POU2F1: variants seen among roughly 807,000 people sequenced by gnomAD.
The protein encoded by POU2F1 is POU class 2 homeobox 1, also known as POU domain, class 2, transcription factor 1.
Under a neutral mutation model 84.9 loss-of-function variants are expected in POU2F1, and 16 were observed. The ratio of observed to expected loss-of-function variants is 0.19; its 90% CI spans 0.13 to 0.29. The LOEUF (loss-of-function observed/expected upper bound fraction) is 0.29, where lower values mean the gene tolerates loss of function less well. POU2F1 is among the 10% of genes least tolerant of loss of function. POU2F1 has a pLI of 1.00. For synonymous variants in POU2F1, 368 were observed against 368.3 expected, an observed-to-expected ratio of 1.00 and a Z score of 0.01; for missense variants, 738 against 942.6, an observed-to-expected ratio of 0.78 and a Z score of 2.84.
At chr1:167,410,749 CA>C (rs1649906871) in intron 13 of POU2F1, among the ~76,000 whole-genome samples, 1 of 152,084 alleles carries the variant, frequency 6.6e-6, no homozygotes, top group Non-Finnish European at 1.5e-5. Flanking sequence ...CTCCTGACCT[CA>C]AATGATCCAC....
intron 1 of POU2F1, among the ~76,000 whole-genome samples, chr1:167,256,369 T>C (rs960565643): frequency 1.4e-4 from 21 of 151,390 alleles, no homozygotes; most frequent in Admixed American, 7.9e-4. Context: ...TTTCTTCTTT[T>C]TTTTTTTTTT....
intron 1 of POU2F1, among the ~76,000 whole-genome samples, chr1:167,239,687 C>T (rs1356108032): frequency 1.3e-5 from 2 of 152,166 alleles, no homozygotes; most frequent in African/African-American, 4.8e-5. Flanking sequence ...TGAAAGTTTC[C>T]TCTCAGCATT....
chr1:167,361,942 CATGTCTCCTAATGTAGGTGCTCCTATT>C (rs1428631668), intron 2 of POU2F1, among the ~76,000 whole-genome samples: 2 of 151,976 alleles, frequency 1.3e-5, no homozygotes, highest in Non-Finnish European at 2.9e-5. Context: ...TCTGTGTCTT[CATGTCTCCTAATGTAGGTGCTCCTATT>C]ATGTCTCCTA....
intron 1 of POU2F1, among the ~76,000 whole-genome samples, chr1:167,271,840 G>C (rs1652388332): frequency 6.6e-6 from 1 of 152,190 alleles, no homozygotes; most frequent in Non-Finnish European, 1.5e-5. Context: ...TTCTGTTTTT[G>C]TATGGCCCTT....
chr1:167,275,569 GT>G (rs1652672244), intron 1 of POU2F1, among the ~76,000 whole-genome samples: 1 of 152,068 alleles, frequency 6.6e-6, no homozygotes, highest in Non-Finnish European at 1.5e-5. Flanking sequence ...TAAAGTGTTA[GT>G]GTTCGCTTGA....
chr1:167,282,173 C>T (rs1009135318), intron 1 of POU2F1, among the ~76,000 whole-genome samples: 3 of 151,010 alleles, frequency 2.0e-5, no homozygotes, highest in Non-Finnish European at 2.9e-5. Flanking sequence ...AGACGAGTCT[C>T]GCTCTGTCGC....
At chr1:167,353,840 G>C (rs1259659984) in intron 2 of POU2F1, among the ~76,000 whole-genome samples, 1 of 152,158 alleles carries the variant, frequency 6.6e-6, no homozygotes, top group Non-Finnish European at 1.5e-5. Flanking sequence ...CCATTCCTCA[G>C]AAGGCTTCTG....
At position 167,399,277 on chromosome 1, in the gene POU2F1, G is replaced by T. The variant is rs1195394177; in HGVS notation, c.1361G>T (p.Arg454Leu). ...ATTCGTGTTTGGTTCTGTAACCGCCGCCAGAAAGAAAAAAGAATCAACCCA... is the reference window on the plus strand; with the variant it reads ...ATTCGTGTTTGGTTCTGTAACCGCCTCCAGAAAGAAAAAAGAATCAACCCA... ...EVIRVWFCNRRQKEKRINPPS... is the reference protein window; with the variant it reads ...EVIRVWFCNRLQKEKRINPPS... The change falls in exon 12 of 16, where the codon CGC (arginine) becomes CTC (leucine). Residue 454 changes from arginine to leucine, a missense_variant. Transcript: ENST00000367866. The T allele has an allele frequency of 6.2e-7, 1 of 1,613,754 alleles. No individual in the cohort carries two copies. Among genetic ancestry groups the T allele is most frequent in the Non-Finnish European group, 8.5e-7 (1 of 1,179,968 alleles).
At chr1:167,360,444 T>C (rs1659282802) in intron 2 of POU2F1, among the ~76,000 whole-genome samples, 1 of 152,052 alleles carries the variant, frequency 6.6e-6, no homozygotes, top group Non-Finnish European at 1.5e-5. Context: ...AGCACCGTTA[T>C]AGGGTGCCTG....
Position 167,412,320 on chromosome 1 carries a change from ATC to A in POU2F1, c.1901+19_1901+20del. The A allele has an allele frequency of 6.6e-7, 1 of 1,517,052 alleles. No individual in the cohort carries two copies. Among genetic ancestry groups the A allele is most frequent in the East Asian group, 2.5e-5 (1 of 40,416 alleles). 94.0% of individuals were successfully genotyped at this position (1,517,052 alleles called of 1,614,324 possible). A position where few individuals can be genotyped will look rare whatever the true frequency, so the allele number is the denominator to read the frequency against. ...TTGCGGCTGGGTAAGGCGCTTTCTC[ATC>A]TCATTCACGTCTGAGGTGGAGGTCA... is the stretch of plus-strand genomic sequence containing the variant. On this transcript the variant is annotated intron_variant, in intron 14 of 15. Coordinates refer to ENST00000367866, the MANE Select transcript of POU2F1 (RefSeq NM_002697.4).
At chr1:167,261,738 G>A (rs1262152025) in intron 1 of POU2F1, among the ~76,000 whole-genome samples, 1 of 152,178 alleles carries the variant, frequency 6.6e-6, no homozygotes, top group Non-Finnish European at 1.5e-5. Flanking sequence ...GGAGTGCAGT[G>A]GCACAATCTT....
intron 1 of POU2F1, among the ~76,000 whole-genome samples, chr1:167,225,003 A>T (rs1413081512): frequency 5.3e-5 from 8 of 151,440 alleles, no homozygotes; most frequent in African/African-American, 1.9e-4. Flanking sequence ...TAATTTTTGT[A>T]TTTTTTGTAG....
intron 1 of POU2F1, among the ~76,000 whole-genome samples, chr1:167,240,414 A>G (rs894903366): frequency 6.6e-6 from 1 of 152,196 alleles, no homozygotes; most frequent in African/African-American, 2.4e-5. Flanking sequence ...AATACTGGCC[A>G]TTGTTTTAGA....
intron 2 of POU2F1, among the ~76,000 whole-genome samples, chr1:167,364,682 A>G (rs1659567727): frequency 6.8e-6 from 1 of 146,550 alleles, no homozygotes; most frequent in Non-Finnish European, 1.5e-5. Flanking sequence ...GGCTCAAGCC[A>G]TTCTCCCTCA....
chr1:167,300,878 C>G (rs2102566163), intron 1 of POU2F1, among the ~76,000 whole-genome samples: 1 of 152,298 alleles, frequency 6.6e-6, no homozygotes, highest in East Asian at 1.9e-4. Flanking sequence ...TCAGGCAGTT[C>G]TCCTACCTCA....
At chr1:167,365,826 T>C (rs539690872) in intron 3 of POU2F1, among the ~76,000 whole-genome samples, 1 of 152,296 alleles carries the variant, frequency 6.6e-6, no homozygotes, top group South Asian at 2.1e-4. Context: ...GGTTTATTGT[T>C]TTTATAAGTG....
intron 2 of POU2F1, among the ~76,000 whole-genome samples, chr1:167,344,979 A>G (rs957572469): frequency 1.3e-5 from 2 of 152,132 alleles, no homozygotes; most frequent in Admixed American, 6.5e-5. Flanking sequence ...ACGAAACACC[A>G]CATTTTCTCA....
At chr1:167,310,909 G>A (rs1007844316) in intron 1 of POU2F1, among the ~76,000 whole-genome samples, 1 of 152,254 alleles carries the variant, frequency 6.6e-6, no homozygotes, top group African/African-American at 2.4e-5. Context: ...GAGACAGAGT[G>A]AACTGGAAGG....
In POU2F1 at chr1:167,399,372, AT is replaced by A; in HGVS notation, c.1449+8del. ...CCCCAGCCCAACTTCACTGGTAAGAATAAAAAATAGGGAGTGCAAGCTCAAG... is the reference window on the plus strand; with the variant it reads ...CCCCAGCCCAACTTCACTGGTAAGAAAAAAAATAGGGAGTGCAAGCTCAAG... On this transcript the variant is annotated splice_region_variant and intron_variant, in intron 12 of 15. Transcript: ENST00000367866. The A allele has an allele frequency of 6.2e-7, 1 of 1,604,470 alleles. No individual in the cohort carries two copies. Among genetic ancestry groups the A allele is most frequent in the Non-Finnish European group, 8.5e-7 (1 of 1,174,840 alleles).
Sources: allele counts gnomAD v4.1 joint callset (sites outside exome capture counted in the v4.1 genomes callset), GRCh38; gene constraint gnomAD v4.1.1; transcripts MANE v1.5; gene names NCBI Gene and HGNC (gene_info 2026-07-23, HGNC 2026-07-21).